RNF19A: variants seen among roughly 807,000 people sequenced by gnomAD.
RNF19A encodes E3 ubiquitin-protein ligase RNF19A.
Under a neutral mutation model 75.7 loss-of-function variants are expected in RNF19A, and 32 were observed. That is an observed-to-expected ratio of 0.42 (90% CI 0.32 to 0.57). The LOEUF is 0.57. RNF19A is among the 20% of genes least tolerant of loss of function. The pLI, the probability that RNF19A is intolerant of heterozygous loss-of-function variation, is 0.10. For missense variants in RNF19A, 782 were observed against 1,036.3 expected, an observed-to-expected ratio of 0.75 and a Z score of 3.37; for synonymous variants, 335 against 345.2, an observed-to-expected ratio of 0.97 and a Z score of 0.33.
Position 100,260,129 on chromosome 8 carries a change from T to TTTA in RNF19A, c.1683-135_1683-133dup. ...TAGGAACCATTATTTTTTATTTCCT[T>TTTA]TTATTTAATTTAAATTCTACTGCAG... On this transcript the variant is annotated intron_variant, in intron 8 of 9. Coordinates refer to ENST00000341084, the MANE Select transcript of RNF19A (RefSeq NM_183419.4). This position sits in a 1 kb window ranked among gnomAD's most constrained non-coding sequence, Gnocchi z 4.1. The TTTA allele has an allele frequency of 1.3e-6, 1 of 758,944 alleles. No individual in the cohort carries two copies. Among genetic ancestry groups the TTTA allele is most frequent in the Admixed American group, 2.9e-5 (1 of 34,562 alleles). 47.0% of individuals were successfully genotyped at this position (758,944 alleles called of 1,614,324 possible). A position where few individuals can be genotyped will look rare whatever the true frequency, so the allele number is the denominator to read the frequency against.
chr8:100,281,467 A>C (rs983057466), intron 2 of RNF19A, among the ~76,000 whole-genome samples: 1 of 152,202 alleles, frequency 6.6e-6, no homozygotes, highest in Non-Finnish European at 1.5e-5. Context: ...ACTATGTTTT[A>C]TAAATTATAC....
intron 1 of RNF19A, 148 bp from the exon 2 acceptor site, chr8:100,288,415 A>G (rs949980639): frequency 8.3e-6 from 3 of 361,308 alleles, no homozygotes; most frequent in South Asian, 6.8e-5. Context: ...TAAATAGTCT[A>G]TAAGAAACTA....
In RNF19A at chr8:100,260,658, C is replaced by A. The variant is rs1819670141; in HGVS notation, c.1683-661G>T. 6.6e-6 allele frequency among the ~76,000 whole-genome samples: 1 copy of A among 152,044 alleles called. No individual in the cohort carries two copies. The highest frequency in any genetic ancestry group is 2.4e-5 in the African/African-American group (1 of 41,386). ...GGCAAACTACCTAAAAATAAGATGTCTAATTTATCTTTTAATTCATGTATT... is the reference window on the plus strand; with the variant it reads ...GGCAAACTACCTAAAAATAAGATGTATAATTTATCTTTTAATTCATGTATT... On this transcript the variant is annotated intron_variant, in intron 8 of 9. Transcript: ENST00000341084. The surrounding 1 kb of genome is among the most constrained non-coding windows in gnomAD (Gnocchi z 4.1).
intron 5 of RNF19A, among the ~76,000 whole-genome samples, chr8:100,265,156 A>G (rs1484477513): frequency 6.6e-6 from 1 of 152,210 alleles, no homozygotes; most frequent in Admixed American, 6.5e-5. Flanking sequence ...TACTTCCAGC[A>G]TTCTAAAGGT....
chr8:100,327,148 T>A (rs1442029190), intron 1 of RNF19A, among the ~76,000 whole-genome samples: 1 of 152,166 alleles, frequency 6.6e-6, no homozygotes, highest in East Asian at 1.9e-4. Flanking sequence ...CGCTAACAAA[T>A]GTAAAGAAAA....
chr8:100,285,457 G>A (rs1294250491), intron 2 of RNF19A, among the ~76,000 whole-genome samples: 1 of 152,014 alleles, frequency 6.6e-6, no homozygotes, highest in Non-Finnish European at 1.5e-5. Context: ...TACCTATTGT[G>A]TTCAATTAGG....
At chr8:100,288,494 A>C (rs1201439003) in intron 1 of RNF19A, among the ~76,000 whole-genome samples, 1 of 152,160 alleles carries the variant, frequency 6.6e-6, no homozygotes, top group Non-Finnish European at 1.5e-5. Flanking sequence ...ATTTGAGCTG[A>C]CCAGAAAAAA....
At position 100,331,645 on chromosome 8, in the gene RNF19A, A is replaced by C. The variant is rs182096063; in HGVS notation, c.-243+4463T>G. 1.7e-4 allele frequency among the ~76,000 whole-genome samples: 26 copies of C among 152,262 alleles called. No homozygotes were observed. In the East Asian group the frequency reaches 5.0e-3, roughly 29 times the overall value. ...GAGAGAGACAAACAAACAAAACAAAACAAAAACCAGATATACGGCGCAAAA... is the reference window on the plus strand; with the variant it reads ...GAGAGAGACAAACAAACAAAACAAACCAAAAACCAGATATACGGCGCAAAA... On this transcript the variant is annotated intron_variant, in intron 1 of 3. Coordinates refer to the RNF19A transcript ENST00000519527. This position sits in a 1 kb window ranked among gnomAD's most constrained non-coding sequence, Gnocchi z 5.2.
intron 1 of RNF19A, among the ~76,000 whole-genome samples, chr8:100,293,864 G>A (rs958785354): frequency 6.6e-6 from 1 of 151,894 alleles, no homozygotes; most frequent in African/African-American, 2.4e-5. Flanking sequence ...TTTTTCTTCT[G>A]CCATCTCCAA....
In RNF19A at chr8:100,260,341, A is replaced by AT. The variant is rs1425573718; in HGVS notation, c.1683-345dup. Among the ~76,000 whole-genome samples the AT allele has an allele frequency of 6.6e-4, 101 of 152,358 alleles. 2 individuals are homozygous for AT. The highest frequency in any genetic ancestry group is 4.9e-3 in the Admixed American group (75 of 15,310). ...AACACAAAGTTAGAATACATTATTA[A>AT]TCATTAAACATGACACACCAATGAA... On this transcript the variant is annotated intron_variant, in intron 8 of 9. Coordinates refer to ENST00000341084, the MANE Select transcript of RNF19A (RefSeq NM_183419.4). The surrounding 1 kb of genome is among the most constrained non-coding windows in gnomAD (Gnocchi z 4.1).
chr8:100,291,143 G>C (rs1206717184), intron 1 of RNF19A, among the ~76,000 whole-genome samples: 1 of 152,216 alleles, frequency 6.6e-6, no homozygotes, highest in East Asian at 1.9e-4. Context: ...TCCTAGGTAA[G>C]ATATATTCCT....
In RNF19A at chr8:100,264,493, T is replaced by G. The variant is rs1819877943; in HGVS notation, c.1306+178A>C. On this transcript the variant is annotated intron_variant, in intron 6 of 9. Transcript: ENST00000341084. This position sits in a 1 kb window ranked among gnomAD's most constrained non-coding sequence, Gnocchi z 4.7. ...AGTGGGGAGGAAGGGTATCAGCCACTAACAATTTACCAACTACTTTAAGGC... is the reference window on the plus strand; with the variant it reads ...AGTGGGGAGGAAGGGTATCAGCCACGAACAATTTACCAACTACTTTAAGGC... 2 of 596,692 alleles carry G rather than the reference T, an allele frequency of 3.4e-6. No homozygotes were observed. The highest frequency in any genetic ancestry group is 5.6e-5 in the East Asian group (2 of 35,730). 37.0% of individuals were successfully genotyped at this position (596,692 alleles called of 1,614,324 possible).
chr8:100,271,440 C>T (rs906716347), intron 3 of RNF19A, among the ~76,000 whole-genome samples: 2 of 152,198 alleles, frequency 1.3e-5, no homozygotes, highest in African/African-American at 4.8e-5. Context: ...CTAATCCTAT[C>T]TGCGTAAGCA....
intron 1 of RNF19A, among the ~76,000 whole-genome samples, chr8:100,289,705 G>C (rs908626692): frequency 5.9e-5 from 9 of 152,086 alleles, no homozygotes; most frequent in Non-Finnish European, 1.3e-4. Flanking sequence ...AGTGTAAAAT[G>C]GCACAATTAC....
chr8:100,287,818 T>TTCTGACA lies in RNF19A; in HGVS notation c.356_357insTGTCAGA (p.Leu119PhefsTer25), dbSNP rs748089949. 6.2e-7 allele frequency: 1 copy of TTCTGACA among 1,614,164 alleles called. No homozygotes were observed. The highest frequency in any genetic ancestry group is 8.5e-7 in the Non-Finnish European group (1 of 1,179,984). On this transcript the variant is annotated frameshift_variant, in exon 2 of 10. Transcript: ENST00000341084. LOFTEE classifies it high-confidence loss of function. The surrounding 1 kb of genome is among the most constrained non-coding windows in gnomAD (Gnocchi z 4.1). ...CTCCAATTTGTTTGCTGATGGAAGT[T>TTCTGACA]AATCCATTGTCAGAAGAGGTATTTG...
chr8:100,312,589 C>A (rs1254149008), upstream of RNF19A, among the ~76,000 whole-genome samples: 1 of 151,902 alleles, frequency 6.6e-6, no homozygotes, highest in African/African-American at 2.4e-5. Context: ...GAGACCCTGT[C>A]TCAAGAAAGA....
Position 100,329,653 on chromosome 8 carries a change from G to A in RNF19A, c.-243+6455C>T, listed in dbSNP as rs1188419001. ...AGACAACTAGGTTAAGAGAAGTCTG[G>A]AAACCATGTCACCTGATATGTGGTC... On this transcript the variant is annotated intron_variant, in intron 1 of 3. Coordinates refer to the RNF19A transcript ENST00000519527. The surrounding 1 kb of genome is among the most constrained non-coding windows in gnomAD (Gnocchi z 4.3). Among the ~76,000 whole-genome samples the A allele has an allele frequency of 6.6e-6, 1 of 152,166 alleles. No homozygotes were observed. The highest frequency in any genetic ancestry group is 1.5e-5 in the Non-Finnish European group (1 of 68,014).
chr8:100,270,191 T>C (rs1050145326), intron 3 of RNF19A, among the ~76,000 whole-genome samples, 178 bp from the exon 4 acceptor site: 5 of 152,132 alleles, frequency 3.3e-5, no homozygotes, highest in Non-Finnish European at 7.4e-5. Flanking sequence ...GAAAACATAC[T>C]TTACATTAAA....
chr8:100,334,797 A>G (rs1358397944), intron 1 of RNF19A, among the ~76,000 whole-genome samples: 1 of 152,168 alleles, frequency 6.6e-6, no homozygotes, highest in Non-Finnish European at 1.5e-5. Flanking sequence ...CTCCAAAGAG[A>G]CGGTCTTTAG....
Sources: gnomAD v4.1 joint callset for allele counts (sites outside exome capture counted in the v4.1 genomes callset) on GRCh38, gnomAD v4.1.1 for gene constraint, Gnocchi (gnomAD v3.1) non-coding constraint, MANE v1.5 for transcripts, NCBI Gene and HGNC (gene_info 2026-07-23, HGNC 2026-07-21) for gene names.